DIP2C: variants seen among roughly 807,000 people sequenced by gnomAD.
DIP2C encodes the protein DIP2 acetate--CoA ligase C (putative), also known as disco-interacting protein 2 homolog C.
Under a neutral mutation model 192.4 loss-of-function variants are expected in DIP2C, and 33 were observed. The observed-to-expected ratio is 0.17, with a 90% CI of 0.13 to 0.23. DIP2C has a LOEUF of 0.23. Ranked by LOEUF, DIP2C falls within the 10% of genes least tolerant of loss-of-function variation. The pLI, the probability that DIP2C is intolerant of heterozygous loss-of-function variation, is 1.00. For synonymous variants in DIP2C, 979 were observed against 864.1 expected, an observed-to-expected ratio of 1.13 and a Z score of -2.33; for missense variants, 1,537 against 2,110.1, an observed-to-expected ratio of 0.73 and a Z score of 5.32.
intron 1 of DIP2C, among the ~76,000 whole-genome samples, chr10:595,018 C>T (rs1408251560): frequency 1.3e-5 from 2 of 152,352 alleles, no homozygotes; most frequent in Non-Finnish European, 2.9e-5. Context: ...TCAGATGTGT[C>T]CCAAGGTGCA....
At chr10:301,783 T>C (rs1009977971) in intron 32 of DIP2C, among the ~76,000 whole-genome samples, 26 of 152,078 alleles carry the variant, frequency 1.7e-4, no homozygotes, top group Non-Finnish European at 3.5e-4. Context: ...ACTGCTCTCC[T>C]TTCACACACA....
chr10:597,816 A>G (rs899932315), intron 1 of DIP2C, among the ~76,000 whole-genome samples: 5 of 152,154 alleles, frequency 3.3e-5, no homozygotes, highest in Non-Finnish European at 7.4e-5. Context: ...ACGAGGACAC[A>G]GCTTACACCC....
At chr10:340,744 G>A (rs1958103075) in intron 29 of DIP2C, 2 of 457,270 alleles carry the variant, frequency 4.4e-6, no homozygotes, top group South Asian at 3.1e-5. Flanking sequence ...GTAGAGTGCC[G>A]CACCCCAGGG....
At chr10:661,649 C>G (rs986025091) in intron 1 of DIP2C, among the ~76,000 whole-genome samples, 10 of 152,162 alleles carry the variant, frequency 6.6e-5, no homozygotes, top group African/African-American at 2.2e-4. Flanking sequence ...TCTGGGTCTT[C>G]CGACCCTTCC....
chr10:586,192 G>A (rs1009430293), intron 1 of DIP2C, among the ~76,000 whole-genome samples: 12 of 152,138 alleles, frequency 7.9e-5, no homozygotes, highest in African/African-American at 2.2e-4. Flanking sequence ...ATTAAATTGT[G>A]CTGAGCCTCT....
chr10:600,674 G>A (rs1312620538), intron 1 of DIP2C, among the ~76,000 whole-genome samples: 1 of 152,192 alleles, frequency 6.6e-6, no homozygotes, highest in Non-Finnish European at 1.5e-5. Flanking sequence ...CCCAGGGTGT[G>A]TGGATATTCC....
Position 413,935 on chromosome 10 carries a change from C to T in DIP2C, c.1035G>A (p.Lys345=), listed in dbSNP as rs1388633504. ...TACCGTAAGTGAGGATGTAGAGGGG[C>T]TTCCCGTTGGTGTCCATGGTGGTCA... is the stretch of plus-strand genomic sequence containing the variant. ...PCLTTMDTNG[K]PLYILTYGKL... The change falls in exon 8 of 37, where the codon AAG becomes AAA. Residue 345 remains lysine, a synonymous_variant. Transcript: ENST00000280886. 1.2e-5 allele frequency: 20 copies of T among 1,613,970 alleles called. No individual in the cohort carries two copies. Among genetic ancestry groups the T allele is most frequent in the Non-Finnish European group, 1.6e-5 (19 of 1,179,966 alleles).
intron 18 of DIP2C, among the ~76,000 whole-genome samples, chr10:367,596 C>T (rs1156956298): frequency 6.6e-6 from 1 of 152,124 alleles, no homozygotes; most frequent in African/African-American, 2.4e-5. Flanking sequence ...AAAATCACAT[C>T]GGCAGTTCTC....
At chr10:528,238 CA>C (rs1847170155) in intron 1 of DIP2C, among the ~76,000 whole-genome samples, 1 of 152,144 alleles carries the variant, frequency 6.6e-6, no homozygotes, top group Non-Finnish European at 1.5e-5. Flanking sequence ...TGCCTTTCAC[CA>C]AGACATAAAA....
At chr10:506,516 A>C (rs1465412405) in intron 1 of DIP2C, among the ~76,000 whole-genome samples, 1 of 152,170 alleles carries the variant, frequency 6.6e-6, no homozygotes, top group East Asian at 1.9e-4. Flanking sequence ...CCACTCACAG[A>C]GCACAGTTCA....
chr10:640,048 C>T (rs1046160493), intron 1 of DIP2C, among the ~76,000 whole-genome samples: 3 of 152,102 alleles, frequency 2.0e-5, no homozygotes, highest in African/African-American at 7.2e-5. Flanking sequence ...ACACCCGCCA[C>T]GCATGTGGGC....
At chr10:405,896 G>GCC (rs1964768677) in intron 9 of DIP2C, among the ~76,000 whole-genome samples, 1 of 152,090 alleles carries the variant, frequency 6.6e-6, no homozygotes, top group Non-Finnish European at 1.5e-5. Context: ...CCTGGAACCC[G>GCC]CCCAAGAGCT....
At chr10:578,641 T>C (rs921374351) in intron 1 of DIP2C, among the ~76,000 whole-genome samples, 2 of 152,206 alleles carry the variant, frequency 1.3e-5, no homozygotes, top group African/African-American at 4.8e-5. Context: ...AACGAGATGG[T>C]GTGTTCCGGG....
intron 3 of DIP2C, among the ~76,000 whole-genome samples, chr10:448,206 G>C (rs1162296329): frequency 7.8e-6 from 1 of 127,876 alleles, no homozygotes; most frequent in Non-Finnish European, 1.5e-5. Context: ...GCGGCAGCAG[G>C]ACCCACTCAT....
chr10:392,077 G>T (rs541432357), intron 10 of DIP2C, among the ~76,000 whole-genome samples: 2 of 152,280 alleles, frequency 1.3e-5, no homozygotes, highest in South Asian at 4.1e-4. Flanking sequence ...AACCCACTTC[G>T]GGGACATCTT....
At chr10:536,087 G>A (rs1249595115) in intron 1 of DIP2C, among the ~76,000 whole-genome samples, 1 of 152,188 alleles carries the variant, frequency 6.6e-6, no homozygotes, top group Admixed American at 6.5e-5. Context: ...CAGTCTGGGA[G>A]CCAGAAGTCC....
chr10:333,487 T>G (rs968010156), intron 29 of DIP2C, among the ~76,000 whole-genome samples: 3 of 152,194 alleles, frequency 2.0e-5, no homozygotes, highest in Non-Finnish European at 2.9e-5. Flanking sequence ...GCTTCTGAGC[T>G]CATCCTGTGC....
At chr10:292,411 C>CT (rs1359307761) in intron 32 of DIP2C, among the ~76,000 whole-genome samples, 1 of 152,220 alleles carries the variant, frequency 6.6e-6, no homozygotes, top group African/African-American at 2.4e-5. Flanking sequence ...AATAAACTGT[C>CT]TTTTCATCCT....
chr10:486,361 G>A (rs1172454235), intron 2 of DIP2C, 98 bp downstream of exon 2: 20 of 1,205,578 alleles, frequency 1.7e-5, no homozygotes, highest in Middle Eastern at 2.7e-4. Flanking sequence ...TCCTCCTGCC[G>A]ACTGGGAAGC....
Sources: gnomAD v4.1 joint callset for allele counts (sites outside exome capture counted in the v4.1 genomes callset) on GRCh38, gnomAD v4.1.1 for gene constraint, MANE v1.5 for transcripts, NCBI Gene and HGNC (gene_info 2026-07-23, HGNC 2026-07-21) for gene names.